Variants in BZW2 observed in about 807,000 individuals in gnomAD.
BZW2 encodes the protein eIF5-mimic protein 1.
Under a neutral mutation model 53.2 loss-of-function variants are expected in BZW2, and 23 were observed. The ratio of observed to expected loss-of-function variants is 0.43; its 90% CI spans 0.31 to 0.61. BZW2 has a LOEUF of 0.61. BZW2 is among the 20% of genes least tolerant of loss of function. The probability of loss-of-function intolerance (pLI) is 0.09; values close to 1 mark genes in which losing one functional copy is unlikely to be tolerated. For missense variants in BZW2, 409 were observed against 503.1 expected, an observed-to-expected ratio of 0.81 and a Z score of 1.79; for synonymous variants, 227 against 186.4, an observed-to-expected ratio of 1.22 and a Z score of -1.77.
At chr7:16,691,962 A>T (rs908074926) in intron 7 of BZW2, among the ~76,000 whole-genome samples, 2 of 152,168 alleles carry the variant, frequency 1.3e-5, no homozygotes, top group African/African-American at 4.8e-5. Flanking sequence ...TGCGAGAAAC[A>T]TATAAACTGG....
At position 16,694,992 on chromosome 7, in the gene BZW2, C is replaced by T. The variant is rs978622956; in HGVS notation, c.810C>T (p.Cys270=). 2.5e-6 allele frequency: 4 copies of T among 1,577,334 alleles called. No homozygotes were observed. Among genetic ancestry groups the T allele is most frequent in the Non-Finnish European group, 3.5e-6 (4 of 1,151,856 alleles). The change falls in exon 8 of 12, where the codon TGC becomes TGT. Residue 270 remains cysteine (C), a synonymous_variant. Coordinates refer to ENST00000258761, the MANE Select transcript of BZW2 (RefSeq NM_014038.3). ...TCCAGGAGCGTCTTTCTCAGGAATG[C>T]CCGATCAAGGAGGTGGGAGACCACG... ...KELQERLSQE[C]PIKEVVLYVK...
intron 1 of BZW2, among the ~76,000 whole-genome samples, chr7:16,652,427 T>C (rs1366136879): frequency 6.6e-6 from 1 of 152,144 alleles, no homozygotes. Flanking sequence ...TCCATGAAAT[T>C]TGCCTGATTT....
intron 3 of BZW2, among the ~76,000 whole-genome samples, chr7:16,677,405 T>C (rs1782799354): frequency 6.6e-6 from 1 of 152,150 alleles, no homozygotes; most frequent in Non-Finnish European, 1.5e-5. Context: ...GTACCCCCTC[T>C]CAACAGGAAA....
intron 1 of BZW2, among the ~76,000 whole-genome samples, chr7:16,655,765 T>A (rs1782106008): frequency 6.6e-6 from 1 of 152,086 alleles, no homozygotes; most frequent in Non-Finnish European, 1.5e-5. Flanking sequence ...TGAGATCATA[T>A]GATATTTGCC....
chr7:16,683,723 C>G (rs993379102), intron 5 of BZW2, among the ~76,000 whole-genome samples: 1 of 152,202 alleles, frequency 6.6e-6, no homozygotes, highest in Non-Finnish European at 1.5e-5. Flanking sequence ...ATGGCACCCA[C>G]TACCTTTACT....
At chr7:16,650,419 A>C (rs764407168) in intron 1 of BZW2, among the ~76,000 whole-genome samples, 1 of 152,182 alleles carries the variant, frequency 6.6e-6, no homozygotes, top group Non-Finnish European at 1.5e-5. Flanking sequence ...AGAGTACCAA[A>C]ACTGTTTCGA....
At chr7:16,692,027 A>G (rs1783325389) in intron 7 of BZW2, among the ~76,000 whole-genome samples, 1 of 152,228 alleles carries the variant, frequency 6.6e-6, no homozygotes, top group African/African-American at 2.4e-5. Context: ...TGTTGAATCA[A>G]CAAAAGAATG....
chr7:16,681,408 G>A lies in BZW2; in HGVS notation c.339+4G>A. 6.2e-7 allele frequency: 1 copy of A among 1,610,490 alleles called. No individual in the cohort carries two copies. The highest frequency in any genetic ancestry group is 1.1e-5 in the South Asian group (1 of 90,816). The stretch of plus-strand genomic sequence containing the variant: ...AACCATCCGAAACTATGCTCAGGTA[G>A]AGCCTGTTTGAGAGACTGAAGCATT... On this transcript the variant is annotated splice_donor_region_variant and intron_variant, in intron 4 of 11. Coordinates refer to ENST00000258761, the MANE Select transcript of BZW2 (RefSeq NM_014038.3).
chr7:16,690,809 G>A (rs1783278609), intron 7 of BZW2, among the ~76,000 whole-genome samples: 1 of 152,024 alleles, frequency 6.6e-6, no homozygotes, highest in Admixed American at 6.6e-5. Flanking sequence ...ATTTCTATCT[G>A]CTCCCTACAA....
chr7:16,678,742 T>C (rs552690969), intron 3 of BZW2, among the ~76,000 whole-genome samples: 27 of 152,086 alleles, frequency 1.8e-4, no homozygotes, highest in Non-Finnish European at 3.4e-4. Context: ...GTGGGTTCTT[T>C]TCTGTTTTCC....
intron 6 of BZW2, among the ~76,000 whole-genome samples, chr7:16,689,228 C>A (rs28622118): frequency 6.6e-6 from 1 of 151,426 alleles, no homozygotes; most frequent in Non-Finnish European, 1.5e-5. Context: ...TCCATCCCCC[C>A]AAAAATAAAA....
intron 7 of BZW2, among the ~76,000 whole-genome samples, chr7:16,692,555 G>A (rs899724871): frequency 1.3e-5 from 2 of 152,154 alleles, no homozygotes; most frequent in Non-Finnish European, 2.9e-5. Flanking sequence ...TTGAGATCAG[G>A]AGTTCAAGAC....
At chr7:16,691,440 C>G (rs1783302070) in intron 7 of BZW2, among the ~76,000 whole-genome samples, 1 of 152,226 alleles carries the variant, frequency 6.6e-6, no homozygotes, top group African/African-American at 2.4e-5. Flanking sequence ...TTAGCTCTAT[C>G]TTGGCTAAGC....
At position 16,694,856 on chromosome 7, in the gene BZW2, A is replaced by G; in HGVS notation, c.674A>G (p.Gln225Arg). The change falls in exon 8 of 12, where the codon CAG (glutamine) becomes CGG (arginine). Residue 225 changes from glutamine to arginine, a missense_variant. Physicochemically the swap from Gln to Arg is conservative, Grantham distance 43. Transcript: ENST00000258761. The part of the protein sequence containing the change: ...RLLELFPVNR[Q>R]SVDHFAKYFT... ...CAGGAACTCTTTCCAGTTAACAGACAGAGTGTGGATCATTTTGCTAAATAC... is the reference window on the plus strand; with the variant it reads ...CAGGAACTCTTTCCAGTTAACAGACGGAGTGTGGATCATTTTGCTAAATAC... The G allele has an allele frequency of 6.5e-7, 1 of 1,531,592 alleles. No homozygotes were observed. The highest frequency in any genetic ancestry group is 1.4e-5 in the African/African-American group (1 of 74,058). The allele number at this position is 1,531,592 out of a possible 1,614,324, so 94.9% of individuals were successfully genotyped here. A position where few individuals can be genotyped will look rare whatever the true frequency, so the allele number is the denominator to read the frequency against.
intron 3 of BZW2, among the ~76,000 whole-genome samples, chr7:16,680,994 C>G (rs1314859223): frequency 6.6e-6 from 1 of 152,040 alleles, no homozygotes; most frequent in Admixed American, 6.6e-5. Flanking sequence ...ATCCCAGCTA[C>G]TCAGGAGGCT....
rs181250724 is a variant in BZW2, at chr7:16,674,143, A to C, written c.59-269A>C. On this transcript the variant is annotated intron_variant, in intron 2 of 11. Transcript: ENST00000258761. ...TCGAATTCCTGACCTCTGGTGATCC[A>C]CCTGCCTTGGCCTCCCAAAGTGCTG... 3.2e-3 allele frequency among the ~76,000 whole-genome samples: 482 copies of C among 152,098 alleles called. 3 individuals carry two copies. Among genetic ancestry groups the C allele is most frequent in the African/African-American group, 0.011 (458 of 41,464 alleles).
chr7:16,706,332 C>T lies in BZW2; in HGVS notation c.*244C>T. The stretch of plus-strand genomic sequence containing the variant: ...CACTATATGCTAACTTAAAGCCATT[C>T]AACAAGGAGTCAAGTAGATCTGAAA... On this transcript the variant is annotated 3_prime_UTR_variant, in exon 12 of 12. Coordinates refer to ENST00000258761, the MANE Select transcript of BZW2 (RefSeq NM_014038.3). The T allele has an allele frequency of 2.2e-6, 1 of 445,666 alleles. No individual in the cohort carries two copies. The highest frequency in any genetic ancestry group is 4.0e-6 in the Non-Finnish European group (1 of 251,048). The allele number at this position is 445,666 out of a possible 1,614,324, so 27.6% of individuals were successfully genotyped here.
At chr7:16,681,786 C>T (rs532309363) in intron 4 of BZW2, among the ~76,000 whole-genome samples, 37 of 152,240 alleles carry the variant, frequency 2.4e-4, no homozygotes, top group African/African-American at 8.9e-4. Flanking sequence ...GAGCTGAGAT[C>T]GTGCCACTGC....
intron 1 of BZW2, 136 bp from the exon 2 acceptor site, chr7:16,665,301 C>G: frequency 3.8e-6 from 4 of 1,062,564 alleles, no homozygotes; most frequent in Non-Finnish European, 4.2e-6. Flanking sequence ...GAGACTCTGT[C>G]TCAATTGAAA....
Sources: gnomAD v4.1 joint callset for allele counts (sites outside exome capture counted in the v4.1 genomes callset) on GRCh38, gnomAD v4.1.1 for gene constraint, MANE v1.5 for transcripts, NCBI Gene and HGNC (gene_info 2026-07-23, HGNC 2026-07-21) for gene names.